Variants in PDE4D observed in about 807,000 individuals in gnomAD.
PDE4D encodes the protein 3',5'-cyclic-AMP phosphodiesterase 4D.
In PDE4D, 24 loss-of-function variants were observed where a neutral mutation model predicts 87.4. That is an observed-to-expected ratio of 0.27 (90% CI 0.20 to 0.39). PDE4D has a LOEUF of 0.39. Ranked by LOEUF, PDE4D falls within the 10% of genes least tolerant of loss-of-function variation. PDE4D has a pLI of 1.00. For missense variants in PDE4D, 714 were observed against 1,041.0 expected, an observed-to-expected ratio of 0.69 and a Z score of 4.32; for synonymous variants, 384 against 383.2, an observed-to-expected ratio of 1.00 and a Z score of -0.02.
At chr5:60,039,535 T>G (rs551548998) in intron 2 of PDE4D, among the ~76,000 whole-genome samples, 1 of 151,634 alleles carries the variant, frequency 6.6e-6, no homozygotes, top group East Asian at 1.9e-4. Context: ...TGTATACACA[T>G]GTAACTAACC....
chr5:59,287,245 G>A (rs1767122073), intron 1 of PDE4D, among the ~76,000 whole-genome samples: 1 of 152,122 alleles, frequency 6.6e-6, no homozygotes, highest in Non-Finnish European at 1.5e-5. Flanking sequence ...GAGCCCCTGG[G>A]CCTTGAATGA....
Position 59,737,176 on chromosome 5 carries a change from G to A in PDE4D, c.455+155992C>T, listed in dbSNP as rs530847112. On this transcript the variant is annotated intron_variant, in intron 1 of 14. Transcript: ENST00000340635. ...GCACTATTGTCTAATTGAGTACAAT[G>A]ACTTTGATGACATAACATAAAGCCT... 1.6e-3 allele frequency among the ~76,000 whole-genome samples: 247 copies of A among 152,222 alleles called. 1 individual carries two copies. The highest frequency in any genetic ancestry group is 0.01 in the Middle Eastern group (3 of 294).
intron 1 of PDE4D, among the ~76,000 whole-genome samples, chr5:59,532,003 A>C (rs1814322228): frequency 6.6e-6 from 1 of 152,194 alleles, no homozygotes; most frequent in African/African-American, 2.4e-5. Flanking sequence ...CACTTACAGC[A>C]GCACCTGGTA....
At chr5:59,863,078 G>A (rs981235422) in intron 1 of PDE4D, among the ~76,000 whole-genome samples, 1 of 152,108 alleles carries the variant, frequency 6.6e-6, no homozygotes, top group African/African-American at 2.4e-5. Flanking sequence ...AGAACTGCTA[G>A]GGCATTAGAT....
intron 2 of PDE4D, among the ~76,000 whole-genome samples, chr5:60,144,170 T>A (rs1780800079): frequency 1.3e-5 from 2 of 152,188 alleles, no homozygotes; most frequent in South Asian, 4.1e-4. Context: ...TTGGTCACAT[T>A]GGAACTCATA....
intron 1 of PDE4D, among the ~76,000 whole-genome samples, chr5:59,420,455 A>AG (rs1794296685): frequency 6.6e-6 from 1 of 152,214 alleles, no homozygotes; most frequent in Non-Finnish European, 1.5e-5. Context: ...CTGCTTCCAC[A>AG]GGACTCATCA....
chr5:59,121,710 C>T (rs1774532691), intron 5 of PDE4D, among the ~76,000 whole-genome samples: 1 of 152,136 alleles, frequency 6.6e-6, no homozygotes, highest in African/African-American at 2.4e-5. Context: ...GGCAATCTCA[C>T]TACTGGGTAT....
At chr5:60,220,115 G>C (rs1329852513) in intron 1 of PDE4D, among the ~76,000 whole-genome samples, 1 of 152,100 alleles carries the variant, frequency 6.6e-6, no homozygotes, top group South Asian at 2.1e-4. Flanking sequence ...TGGGGGTGTG[G>C]AGAAAAAACT....
chr5:60,080,180 C>T (rs183219952), intron 2 of PDE4D, among the ~76,000 whole-genome samples: 193 of 152,060 alleles, frequency 1.3e-3, no homozygotes, highest in African/African-American at 4.4e-3. Flanking sequence ...TTCTGCTTTG[C>T]TTTCCTATTA....
chr5:59,283,598 C>G (rs1766267178), intron 1 of PDE4D, among the ~76,000 whole-genome samples: 1 of 152,094 alleles, frequency 6.6e-6, no homozygotes, highest in Non-Finnish European at 1.5e-5. Context: ...GCCAACCACA[C>G]AATCTCACAC....
intron 1 of PDE4D, among the ~76,000 whole-genome samples, chr5:60,459,622 TAC>T (rs1409325955): frequency 4.6e-5 from 7 of 152,184 alleles, no homozygotes; most frequent in Admixed American, 3.3e-4. Context: ...GTTGATTCCA[TAC>T]AGTTTTTGTT....
chr5:59,207,999 A>G (rs1749183953), intron 2 of PDE4D, among the ~76,000 whole-genome samples: 2 of 146,660 alleles, frequency 1.4e-5, no homozygotes, highest in Admixed American at 6.7e-5. Flanking sequence ...CTCTACTAAA[A>G]GTAAAAAAAA....
chr5:59,207,457 G>C (rs34424978), intron 2 of PDE4D, among the ~76,000 whole-genome samples: 20,738 of 151,992 alleles, frequency 0.14, 1,608 homozygotes, highest in Non-Finnish European at 0.17. Flanking sequence ...GTTTCATTGA[G>C]AGCACTATCC....
upstream of PDE4D, among the ~76,000 whole-genome samples, chr5:60,491,823 A>T (rs766041627): frequency 6.6e-6 from 1 of 152,022 alleles, no homozygotes; most frequent in African/African-American, 2.4e-5. Context: ...CTTAATTGTT[A>T]GACCCTGAGC....
At chr5:59,947,620 G>A (rs901413519) in intron 3 of PDE4D, among the ~76,000 whole-genome samples, 7 of 152,202 alleles carry the variant, frequency 4.6e-5, no homozygotes, top group Non-Finnish European at 1.0e-4. Context: ...TCTTCAAAGT[G>A]AAATGTAGAT....
intron 2 of PDE4D, among the ~76,000 whole-genome samples, chr5:60,122,531 A>G (rs1044475616): frequency 1.3e-5 from 2 of 152,210 alleles, no homozygotes; most frequent in African/African-American, 4.8e-5. Context: ...CCATAGCACG[A>G]GCTGTACTTT....
intron 1 of PDE4D, among the ~76,000 whole-genome samples, chr5:59,376,156 T>C (rs933313778): frequency 6.6e-6 from 1 of 152,160 alleles, no homozygotes; most frequent in South Asian, 2.1e-4. Context: ...TCGCCTTTCC[T>C]ATTCAACATT....
At chr5:59,540,046 C>T (rs1351203753) in intron 1 of PDE4D, among the ~76,000 whole-genome samples, 1 of 152,128 alleles carries the variant, frequency 6.6e-6, no homozygotes, top group Non-Finnish European at 1.5e-5. Flanking sequence ...TCCCTTCCAC[C>T]TAGAGTTTCT....
intron 1 of PDE4D, among the ~76,000 whole-genome samples, chr5:59,398,737 T>C (rs1245655314): frequency 2.6e-5 from 3 of 115,154 alleles, no homozygotes; most frequent in Non-Finnish European, 5.4e-5. Context: ...CCAGGGCAAT[T>C]AGGCAGGAGA....
Sources: gnomAD v4.1 joint callset for allele counts (sites outside exome capture counted in the v4.1 genomes callset) on GRCh38, gnomAD v4.1.1 for gene constraint, MANE v1.5 for transcripts, NCBI Gene and HGNC (gene_info 2026-07-23, HGNC 2026-07-21) for gene names.